Variants in PCDHA7 observed in about 807,000 individuals in gnomAD.
PCDHA7 encodes protocadherin alpha 7.
PCDHA7 carries 37 observed loss-of-function variants against 57.2 expected under a neutral mutation model. The observed-to-expected ratio is 0.65, with a 90% CI of 0.50 to 0.85. The LOEUF (loss-of-function observed/expected upper bound fraction) is 0.85. Ranked by LOEUF, PCDHA7 falls within the 40% of genes least tolerant of loss-of-function variation. PCDHA7 has a pLI of 0.00. For synonymous variants in PCDHA7, 553 were observed against 558.8 expected, an observed-to-expected ratio of 0.99 and a Z score of 0.15; for missense variants, 1,188 against 1,241.8, an observed-to-expected ratio of 0.96 and a Z score of 0.65.
intron 1 of PCDHA7, chr5:140,861,364 C>T (rs1581608735): frequency 2.8e-6 from 1 of 356,870 alleles, no homozygotes; most frequent in South Asian, 2.7e-5. Flanking sequence ...AGCGTCTTCG[C>T]GGTCCCTATT....
chr5:140,917,106 TC>T (rs1554197830), intron 1 of PCDHA7, among the ~76,000 whole-genome samples: 1 of 152,094 alleles, frequency 6.6e-6, no homozygotes, highest in African/African-American at 2.4e-5. Context: ...GTGCTTTACT[TC>T]CTCCAAGTGC....
intron 1 of PCDHA7, among the ~76,000 whole-genome samples, chr5:140,838,431 T>C (rs2150289310): frequency 1.3e-5 from 2 of 151,754 alleles, no homozygotes; most frequent in Non-Finnish European, 2.9e-5. Context: ...GCCTAAATTA[T>C]ATATTGGGTT....
In PCDHA7 at chr5:140,982,550, C is replaced by T. The variant is rs1554244485; in HGVS notation, c.2490C>T (p.Ser830=). ...CTGATCAGCAGTGGCCAACAGTATC[C>T]AGTGCAACACCAGGTAAAGAGCTGG... The part of the protein sequence containing the change: ...GGPDQQWPTV[S]SATPEPEAGE... The change falls in exon 3 of 4, where the codon TCC becomes TCT. Residue 830 remains serine, a synonymous_variant. Transcript: ENST00000525929. The T allele has an allele frequency of 6.2e-7, 1 of 1,614,176 alleles. No homozygotes were observed. The highest frequency in any genetic ancestry group is 1.7e-5 in the Admixed American group (1 of 60,028).
chr5:140,968,832 C>A (rs1554231147), intron 1 of PCDHA7: 1 of 1,614,200 alleles, frequency 6.2e-7, no homozygotes, highest in East Asian at 2.2e-5. Flanking sequence ...AAAATCCTCC[C>A]TGACACTCAG....
At position 140,848,871 on chromosome 5, in the gene PCDHA7, A is replaced by G. The variant is rs2040646232; in HGVS notation, c.2355+12133A>G. The G allele has an allele frequency of 4.4e-6, 7 of 1,590,744 alleles. 1 individual carries two copies. The African/African-American group carries it at 6.8e-5, about 15-fold the overall frequency. On this transcript the variant is annotated intron_variant, in intron 1 of 3. Coordinates refer to ENST00000525929, the MANE Select transcript of PCDHA7 (RefSeq NM_018910.3). ...CCATGTGGACGTGGAGGTGAAGGAC[A>G]TTAACGACAACCCTCCAGTGTTCCC...
At chr5:140,863,178 C>T (rs1420894530) in intron 1 of PCDHA7, 2 of 736,748 alleles carry the variant, frequency 2.7e-6, no homozygotes, top group Non-Finnish European at 4.7e-6. Flanking sequence ...TGACTGCCAC[C>T]GTCACCGTGG....
At chr5:141,009,450 A>G (rs1272306412) in intron 3 of PCDHA7, among the ~76,000 whole-genome samples, 177 bp from the exon 4 acceptor site, 1 of 152,250 alleles carries the variant, frequency 6.6e-6, no homozygotes, top group Non-Finnish European at 1.5e-5. Context: ...TCTCAAAAAA[A>G]TTAAACAAAT....
intron 1 of PCDHA7, among the ~76,000 whole-genome samples, chr5:140,914,261 T>G (rs1294037425): frequency 6.6e-6 from 1 of 152,202 alleles, no homozygotes; most frequent in Non-Finnish European, 1.5e-5. Context: ...GCTTCAATGG[T>G]GGGTGCATAT....
intron 1 of PCDHA7, among the ~76,000 whole-genome samples, chr5:140,890,820 G>T (rs945332484): frequency 1.3e-5 from 2 of 152,080 alleles, no homozygotes; most frequent in East Asian, 3.9e-4. Flanking sequence ...TGTTTTAAAT[G>T]TACTTACATA....
At chr5:140,906,924 T>G (rs1244538728) in intron 1 of PCDHA7, among the ~76,000 whole-genome samples, 1 of 152,226 alleles carries the variant, frequency 6.6e-6, no homozygotes, top group African/African-American at 2.4e-5. Flanking sequence ...GCCCAAAAAG[T>G]GTCCCGGTGT....
Position 140,853,567 on chromosome 5 carries a change from T to C in PCDHA7, c.2355+16829T>C. 2 of 981,210 alleles carry C rather than the reference T, an allele frequency of 2.0e-6. 1 individual carries two copies. The highest frequency in any genetic ancestry group is 3.5e-5 in the African/African-American group (2 of 56,602). The allele number at this position is 981,210 out of a possible 1,614,324, so 60.8% of individuals were successfully genotyped here. A position where few individuals can be genotyped will look rare whatever the true frequency, so the allele number is the denominator to read the frequency against. On this transcript the variant is annotated intron_variant, in intron 1 of 3. Transcript: ENST00000525929. ...TAATTACTATATAGGAAAAACTAAGTTGTCACCCAATATCTTAGACACTTT... is the reference window on the plus strand; with the variant it reads ...TAATTACTATATAGGAAAAACTAAGCTGTCACCCAATATCTTAGACACTTT...
Position 140,946,631 on chromosome 5 carries a change from T to TATATATATATATATATATATATATAC in PCDHA7, c.2356-32317_2356-32316insTATATATATATATATATATATATACA, listed in dbSNP as rs57893927. ...TGTGAAATATATATATATATATATA[T>TATATATATATATATATATATATATAC]ACAATGGAATACTCATCAGCCATTA... On this transcript the variant is annotated intron_variant, in intron 1 of 3. Coordinates refer to ENST00000525929, the MANE Select transcript of PCDHA7 (RefSeq NM_018910.3). 3.1e-3 allele frequency among the ~76,000 whole-genome samples: 414 copies of TATATATATATATATATATATATATAC among 131,704 alleles called. 27 individuals carry two copies. Among genetic ancestry groups the TATATATATATATATATATATATATAC allele is most frequent in the African/African-American group, 0.013 (382 of 28,586 alleles). 86.4% of individuals were successfully genotyped at this position (131,704 alleles called of 152,430 possible). A position where few individuals can be genotyped will look rare whatever the true frequency, so the allele number is the denominator to read the frequency against.
At chr5:140,871,176 GCT>G in intron 1 of PCDHA7, 6 of 1,613,534 alleles carry the variant, frequency 3.7e-6, no homozygotes, top group Non-Finnish European at 5.1e-6. Context: ...CAGAGGCTGC[GCT>G]GGTGGATGTC....
At chr5:140,980,704 G>T (rs2153822525) in intron 2 of PCDHA7, among the ~76,000 whole-genome samples, 1 of 151,890 alleles carries the variant, frequency 6.6e-6, no homozygotes, top group East Asian at 1.9e-4. Context: ...AGCCAAATGT[G>T]CTCCTATTCG....
intron 1 of PCDHA7, among the ~76,000 whole-genome samples, chr5:140,840,143 C>A (rs1776577709): frequency 2.6e-5 from 4 of 151,842 alleles, no homozygotes; most frequent in Admixed American, 2.6e-4. Flanking sequence ...GAAATTATCA[C>A]ACGTGAAAGG....
chr5:140,859,587 C>T, intron 1 of PCDHA7: 1 of 166,890 alleles, frequency 6.0e-6, no homozygotes, highest in Non-Finnish European at 1.3e-5. Context: ...TTGCCTATGG[C>T]TCTTAGCAAT....
At chr5:140,872,402 G>A (rs1272057866) in intron 1 of PCDHA7, among the ~76,000 whole-genome samples, 3 of 152,128 alleles carry the variant, frequency 2.0e-5, no homozygotes, top group African/African-American at 7.2e-5. Flanking sequence ...TGAGGCAGGA[G>A]AATTGCTTGA....
intron 3 of PCDHA7, among the ~76,000 whole-genome samples, chr5:141,001,404 T>A (rs965496882): frequency 1.3e-4 from 20 of 152,072 alleles, no homozygotes; most frequent in African/African-American, 4.8e-4. Context: ...GAACAGGGAG[T>A]ATATTTTTAC....
At chr5:140,855,607 T>C (rs1157385251) in intron 1 of PCDHA7, among the ~76,000 whole-genome samples, 2 of 149,722 alleles carry the variant, frequency 1.3e-5, no homozygotes, top group African/African-American at 4.9e-5. Context: ...AGTATGCAAA[T>C]ATTAAGGGCA....
Sources: allele counts gnomAD v4.1 joint callset (sites outside exome capture counted in the v4.1 genomes callset), GRCh38; gene constraint gnomAD v4.1.1; transcripts MANE v1.5; gene names NCBI Gene and HGNC (gene_info 2026-07-23, HGNC 2026-07-21).